The following CLCN5 variants were observed in gnomAD, a reference collection of about 807,000 sequenced individuals.
CLCN5 encodes the protein Cl-/H+ antiporter 5.
A neutral mutation model predicts 54.0 loss-of-function variants in CLCN5; 17 were observed. That is an observed-to-expected ratio of 0.31 (90% confidence interval 0.22 to 0.47). CLCN5 has a LOEUF of 0.47. CLCN5 is among the 20% of genes least tolerant of loss of function. The pLI, the probability that CLCN5 is intolerant of heterozygous loss-of-function variation, is 1.00. For missense variants in CLCN5, 448 were observed against 646.7 expected (o/e 0.69, Z 3.33); for synonymous variants, 222 against 233.0 (o/e 0.95, Z 0.43).
At chrX:49,939,603 G>T (rs952882515) in intron 3 of CLCN5, among the ~76,000 whole-genome samples, 1 of 110,181 alleles carries the variant, frequency 9.1e-6, no homozygotes, top group Admixed American at 9.7e-5. Context: ...ACACTTGGAC[G>T]CAGGAAGGGG....
chrX:49,933,704 G>A (rs1557169190), intron 3 of CLCN5, among the ~76,000 whole-genome samples: 2 of 111,672 alleles, frequency 1.8e-5, no homozygotes, highest in Non-Finnish European at 3.8e-5. Context: ...ATTATTGGGA[G>A]GATGTAGTGT....
intron 3 of CLCN5, among the ~76,000 whole-genome samples, chrX:50,025,707 C>T: frequency 9.0e-6 from 1 of 111,369 alleles, no homozygotes; most frequent in Non-Finnish European, 1.9e-5. Context: ...TTCTCTCTCT[C>T]TCTCTGTCAT....
At chrX:49,963,033 G>A (rs998200892) in intron 3 of CLCN5, among the ~76,000 whole-genome samples, 1 of 111,975 alleles carries the variant, frequency 8.9e-6, no homozygotes, top group Non-Finnish European at 1.9e-5. Flanking sequence ...TGAAAGAAGT[G>A]AGAGACATAA....
chrX:50,009,787 G>A (rs376696825), intron 3 of CLCN5: 1 of 384,895 alleles, frequency 2.6e-6, no homozygotes, highest in East Asian at 7.5e-5. Flanking sequence ...ACCCGGGCAA[G>A]GATTCTGAGA....
chrX:50,048,087 G>A (rs781897867), intron 4 of CLCN5, among the ~76,000 whole-genome samples: 3 of 112,314 alleles, frequency 2.7e-5, no homozygotes, highest in Admixed American at 1.9e-4. Context: ...CATCTTCAAC[G>A]AAACCGGCGG....
chrX:50,021,356 C>T (rs1557184319), intron 3 of CLCN5, among the ~76,000 whole-genome samples: 1 of 23,800 alleles, frequency 4.2e-5, no homozygotes, highest in Non-Finnish European at 6.0e-5. Flanking sequence ...AGTTGCTTAT[C>T]AGCTTAAGGA....
At chrX:50,007,397 T>TC (rs1930216491) in intron 3 of CLCN5, among the ~76,000 whole-genome samples, 34 of 64,401 alleles carry the variant, frequency 5.3e-4, no homozygotes, top group African/African-American at 5.4e-4. Context: ...CTCTCTCTCT[T>TC]TCTCTCTCTC....
intron 3 of CLCN5, among the ~76,000 whole-genome samples, chrX:49,987,322 G>A (rs186664203): frequency 1.5e-3 from 171 of 111,723 alleles, no homozygotes; most frequent in Non-Finnish European, 2.8e-3. Context: ...GTTGTTGGTA[G>A]TCCCCCCACC....
At chrX:50,084,952 T>C (rs984332431) in intron 9 of CLCN5, among the ~76,000 whole-genome samples, 1 of 111,737 alleles carries the variant, frequency 8.9e-6, no homozygotes, top group Non-Finnish European at 1.9e-5. Flanking sequence ...TCAAGTTGCA[T>C]GTTGGCTGTC....
intron 3 of CLCN5, among the ~76,000 whole-genome samples, chrX:49,963,561 T>C (rs1480614130): frequency 2.7e-5 from 3 of 112,065 alleles, no homozygotes; most frequent in East Asian, 5.6e-4. Flanking sequence ...ATTTCCTCCT[T>C]CTTAATTCTG....
In CLCN5 at chrX:50,072,286, A is replaced by AT. The variant is rs111459936; in HGVS notation, c.316-201dup. On this transcript the variant is annotated intron_variant, in intron 5 of 14. Transcript: ENST00000376091. ...AGCTCTGAATAAGGAACTTGTGGGC[A>AT]TTACAATACTGTAGATGAAGGTGGG... is the stretch of plus-strand genomic sequence containing the variant. Among the ~76,000 whole-genome samples the AT allele has an allele frequency of 0.11, 12,417 of 111,519 alleles. 1,710 individuals carry two copies. Among genetic ancestry groups the AT allele is most frequent in the African/African-American group, 0.39 (11,802 of 30,362 alleles).
chrX:49,940,470 T>A (rs1310724949), intron 3 of CLCN5, among the ~76,000 whole-genome samples: 2 of 111,810 alleles, frequency 1.8e-5, no homozygotes, highest in Non-Finnish European at 3.8e-5. Flanking sequence ...TCTGTGGTAG[T>A]CCACAACTCT....
chrX:49,971,962 T>TAA (rs1557176273), intron 3 of CLCN5, among the ~76,000 whole-genome samples: 1 of 112,000 alleles, frequency 8.9e-6, no homozygotes, highest in Non-Finnish European at 1.9e-5. Context: ...TTATTAGGAC[T>TAA]AATTTTTAAG....
intron 3 of CLCN5, among the ~76,000 whole-genome samples, chrX:49,977,454 A>G (rs1569537788): frequency 9.0e-6 from 1 of 111,588 alleles, no homozygotes; most frequent in Non-Finnish European, 1.9e-5. Flanking sequence ...AAGTGAAACA[A>G]TGTGGCCAAA....
Position 50,041,098 on chromosome X carries a change from G to T in CLCN5, c.17-1218G>T, listed in dbSNP as rs182725100. On this transcript the variant is annotated intron_variant, in intron 3 of 14. Transcript: ENST00000376091. ...AGAAATTGACATGTACCTGGTAAAT[G>T]TTGGTTCTTTCTCCTTTTTGCTGAA... Among the ~76,000 whole-genome samples, 26 of 112,266 alleles carry T rather than the reference G, an allele frequency of 2.3e-4. No homozygotes were observed. In the East Asian group the frequency reaches 7.3e-3, roughly 31 times the overall value.
chrX:49,989,651 G>A (rs1321993684), intron 3 of CLCN5, among the ~76,000 whole-genome samples: 1 of 112,020 alleles, frequency 8.9e-6, no homozygotes, highest in African/African-American at 3.2e-5. Flanking sequence ...TTTGGCTACT[G>A]TATGGTGCTG....
intron 3 of CLCN5, among the ~76,000 whole-genome samples, chrX:50,011,860 C>G (rs1930521692): frequency 8.9e-6 from 1 of 111,953 alleles, no homozygotes; most frequent in Admixed American, 9.4e-5. Flanking sequence ...GGCCTTCAGT[C>G]CTGTTCCCCC....
At chrX:50,015,118 A>G (rs782648520) in intron 3 of CLCN5, among the ~76,000 whole-genome samples, 8 of 111,151 alleles carry the variant, frequency 7.2e-5, no homozygotes, top group Non-Finnish European at 1.5e-4. Context: ...CTAGAGTGTG[A>G]CAGATACTCT....
chrX:49,993,637 G>C (rs1223153620), intron 3 of CLCN5, among the ~76,000 whole-genome samples: 1 of 112,735 alleles, frequency 8.9e-6, no homozygotes, highest in East Asian at 2.8e-4. Flanking sequence ...TCCTGGTTCT[G>C]TTGTGCTTAT....
Sources: gnomAD v4.1 joint callset for allele counts (sites outside exome capture counted in the v4.1 genomes callset) on GRCh38, gnomAD v4.1.1 for gene constraint, MANE v1.5 for transcripts, NCBI Gene and HGNC (gene_info 2026-07-23, HGNC 2026-07-21) for gene names.